SFTPB: variants seen among roughly 807,000 people sequenced by gnomAD.
SFTPB encodes pulmonary surfactant-associated protein B.
Under a neutral mutation model 51.0 loss-of-function variants are expected in SFTPB, and 32 were observed. That is an observed-to-expected ratio of 0.63 (90% confidence interval 0.47 to 0.84). The LOEUF is 0.84. Among genes scored for constraint, SFTPB ranks in the 40% least tolerant of loss-of-function variants. The probability of loss-of-function intolerance (pLI) is 0.00; values close to 1 mark genes in which losing one functional copy is unlikely to be tolerated. For synonymous variants in SFTPB, 211 were observed against 208.5 expected (o/e 1.01, Z -0.10); for missense variants, 431 against 491.2 (o/e 0.88, Z 1.16).
chr2:85,661,151 C>T (rs748863563), intron 10 of SFTPB: 102 of 327,746 alleles, frequency 3.1e-4, no homozygotes, highest in Non-Finnish European at 5.0e-4. Context: ...GCCAGAGAGT[C>T]CCTGGGGCAA....
intron 2 of SFTPB, 96 bp downstream of exon 2, chr2:85,667,583 C>T (rs1677715983): frequency 2.0e-6 from 3 of 1,499,782 alleles, no homozygotes; most frequent in Admixed American, 1.7e-5. Context: ...TCATCCATCC[C>T]CTATGGGGGC....
At chr2:85,662,139 G>A in intron 8 of SFTPB, 30 bp from the exon 9 acceptor site, 1 of 1,583,586 alleles carries the variant, frequency 6.3e-7, no homozygotes, top group Non-Finnish European at 8.6e-7. Flanking sequence ...GCTGTGGAGG[G>A]TCCCTTTGCA....
chr2:85,665,037 C>T (rs3024802), intron 6 of SFTPB, among the ~76,000 whole-genome samples: 1,586 of 152,268 alleles, frequency 0.01, 34 homozygotes, highest in African/African-American at 0.036. Context: ...TACTTTGGCT[C>T]CTGGCGTGGC....
Position 85,667,340 on chromosome 2 carries a change from C to T in SFTPB, c.196-163G>A, listed in dbSNP as rs1367996213. On this transcript the variant is annotated intron_variant, in intron 2 of 10. Coordinates refer to ENST00000519937, the MANE Select transcript of SFTPB (RefSeq NM_000542.5). ...TCTCATCCATATCAATTTATCCCAT[C>T]CATCTCTTCTATTCATCCATCCCAA... Among the ~76,000 whole-genome samples, 6 of 152,054 alleles carry T rather than the reference C, an allele frequency of 3.9e-5. No individual in the cohort carries two copies. The South Asian group carries it at 1.0e-3, about 26-fold the overall frequency.
intron 3 of SFTPB, 77 bp downstream of exon 3, chr2:85,667,029 T>C (rs1265858012): frequency 7.4e-7 from 1 of 1,347,710 alleles, no homozygotes; most frequent in Non-Finnish European, 1.1e-6. Context: ...ATGGCCCCTT[T>C]AGGGGGCTCA....
chr2:85,666,825 C>A, intron 3 of SFTPB, 83 bp from the exon 4 acceptor site: 1 of 1,568,468 alleles, frequency 6.4e-7, no homozygotes, highest in Non-Finnish European at 8.8e-7. Flanking sequence ...CCCACCAGGG[C>A]AGACTGACCC....
chr2:85,667,215 G>A, intron 2 of SFTPB, 38 bp from the exon 3 acceptor site: 1 of 1,484,136 alleles, frequency 6.7e-7, no homozygotes, highest in Non-Finnish European at 9.4e-7. Context: ...GGACACATGA[G>A]TGGGGGAGGC....
At position 85,657,889 on chromosome 2, in the gene SFTPB, CG is replaced by C. The variant is rs953683683; in HGVS notation, c.*1812del. 1 of 94,846 alleles carries C rather than the reference CG, an allele frequency of 1.1e-5. No individual in the cohort carries two copies. Among genetic ancestry groups the C allele is most frequent in the South Asian group, 3.6e-4 (1 of 2,784 alleles). 5.9% of individuals were successfully genotyped at this position (94,846 alleles called of 1,614,324 possible). On this transcript the variant is annotated 3_prime_UTR_variant, in exon 11 of 11. Coordinates refer to ENST00000519937, the MANE Select transcript of SFTPB (RefSeq NM_000542.5). ...ATTACAAAATACCTTCTTAAGGGTG[CG>C]GGGGTGCGGGCGTGGGGTGGGTGGG... is the stretch of plus-strand genomic sequence containing the variant.
rs774179232 is a variant in SFTPB, at chr2:85,667,738, C to A, written c.136G>T (p.Ala46Ser). 11 of 1,614,266 alleles carry A rather than the reference C, an allele frequency of 6.8e-6. No individual in the cohort carries two copies. The South Asian group carries it at 1.2e-4, about 18-fold the overall frequency. The change falls in exon 2 of 11, where the codon GCA becomes TCA. Residue 46 changes from alanine (A) to serine (S), a missense_variant. By Grantham distance (99) the Ala-to-Ser change is moderately conservative. Transcript: ENST00000519937. ...TGCCCTAGGGCTCTGCACTGCAATGCTTGCTCCAGGCTTTGGCACCAGAAC... is the reference window on the plus strand; with the variant it reads ...TGCCCTAGGGCTCTGCACTGCAATGATTGCTCCAGGCTTTGGCACCAGAAC... ...PEFWCQSLEQ[A>S]LQCRALGHCL...
intron 1 of SFTPB, 128 bp from the exon 2 acceptor site, chr2:85,667,934 G>T: frequency 7.1e-7 from 1 of 1,402,198 alleles, no homozygotes; most frequent in Admixed American, 2.0e-5. Flanking sequence ...ACGTCAGACA[G>T]CTCTGGGTTC....
rs752321943 is a variant in SFTPB, at chr2:85,665,768, C to T, written c.420G>A (p.Leu140=). ...CTGGCTGCCGGGATTTGCACAGGCC[C>T]AGGTGCATACAGATGCCGTTTGAGT... The part of the protein sequence containing the change: ...QTDSNGICMH[L]GLCKSRQPEP... Residue 140 remains leucine, a synonymous_variant, in exon 5 of 11, where the codon CTG becomes CTA. Transcript: ENST00000519937. 1 of 1,614,082 alleles carries T rather than the reference C, an allele frequency of 6.2e-7. No individual in the cohort carries two copies. Among genetic ancestry groups the T allele is most frequent in the East Asian group, 2.2e-5 (1 of 44,892 alleles).
Position 85,667,810 on chromosome 2 carries a change from T to C in SFTPB, c.68-4A>G, listed in dbSNP as rs746701002. 5 of 1,614,224 alleles carry C rather than the reference T, an allele frequency of 3.1e-6. No homozygotes were observed. Among genetic ancestry groups the C allele is most frequent in the Non-Finnish European group, 4.2e-6 (5 of 1,180,040 alleles). ...AAGGATGAGGTGGTCCAGGCAGCTG[T>C]GGTTTGGGGCCAGAGCAACCTTAAT... On this transcript the variant is annotated splice_region_variant and splice_polypyrimidine_tract_variant and intron_variant, in intron 1 of 10. Transcript: ENST00000519937.
chr2:85,666,411 C>A (rs1677618773), intron 4 of SFTPB: 1 of 488,082 alleles, frequency 2.0e-6, no homozygotes, highest in Admixed American at 2.9e-5. Context: ...GTGTGTCCGG[C>A]CAGCTGGGGT....
upstream of SFTPB, chr2:85,668,299 C>T: frequency 2.0e-6 from 2 of 992,360 alleles, no homozygotes; most frequent in South Asian, 1.4e-5. Context: ...TCTGAAGAGC[C>T]CTCCAGGTGC....
At position 85,663,854 on chromosome 2, in the gene SFTPB, C is replaced by CA; in HGVS notation, c.673-8_673-7insT. ...CTGCCACAGCTAGCGCACCCTGGGG[C>CA]GGGGGCGGAGAGAGGCCAGCATGGG... On this transcript the variant is annotated splice_region_variant and splice_polypyrimidine_tract_variant and intron_variant, in intron 6 of 10. Coordinates refer to ENST00000519937, the MANE Select transcript of SFTPB (RefSeq NM_000542.5). 6.3e-7 allele frequency: 1 copy of CA among 1,576,244 alleles called. No individual in the cohort carries two copies. The highest frequency in any genetic ancestry group is 2.3e-5 in the East Asian group (1 of 43,450).
At position 85,657,341 on chromosome 2, in the gene SFTPB, A is replaced by AT. The variant is rs1427075245; in HGVS notation, c.*2360dup. The AT allele has an allele frequency of 2.6e-5, 4 of 152,206 alleles. No homozygotes were observed. In the East Asian group the frequency reaches 7.7e-4, roughly 29 times the overall value. 9.4% of individuals were successfully genotyped at this position (152,206 alleles called of 1,614,324 possible). A position where few individuals can be genotyped will look rare whatever the true frequency, so the allele number is the denominator to read the frequency against. On this transcript the variant is annotated 3_prime_UTR_variant, in exon 11 of 11. Transcript: ENST00000519937. ...GTCTCAATCAAACTTTTTTGTTTTT[A>AT]TTTTTTTAAATTTAAAACACCCTTT...
In SFTPB at chr2:85,666,524, T is replaced by C. The variant is rs3024800; in HGVS notation, c.393+93A>G. ...GTGTGTGTGTGTGTGTGTGTGTGTC[T>C]GGCTGGCTGGGGTGCTGTGTGTGTG... On this transcript the variant is annotated intron_variant, in intron 4 of 10. Transcript: ENST00000519937. 1.8e-3 allele frequency: 2,359 copies of C among 1,286,318 alleles called. 46 individuals are homozygous for C. The African/African-American group carries it at 0.028, about 15-fold the overall frequency. The allele number at this position is 1,286,318 out of a possible 1,614,324, so 79.7% of individuals were successfully genotyped here. A position where few individuals can be genotyped will look rare whatever the true frequency, so the allele number is the denominator to read the frequency against.
rs777933863 is a variant in SFTPB, at chr2:85,667,179, T to TG, written c.196-3dup. On this transcript the variant is annotated splice_region_variant and splice_polypyrimidine_tract_variant and intron_variant, in intron 2 of 10. Transcript: ENST00000519937. ...CTCACACTCTTGGCATAGGTCATCC[T>TG]GGGGAGGGAGGGGCCCCAAGGTGGA... 1.9e-6 allele frequency: 3 copies of TG among 1,613,146 alleles called. No individual in the cohort carries two copies. In the African/African-American group the frequency reaches 4.0e-5, roughly 22 times the overall value.
At chr2:85,663,101 T>A (rs1298043511) in intron 8 of SFTPB, among the ~76,000 whole-genome samples, 1 of 152,138 alleles carries the variant, frequency 6.6e-6, no homozygotes, top group Non-Finnish European at 1.5e-5. Context: ...TGGTGCTCAC[T>A]CAGCCCGTGA....
Sources: allele counts gnomAD v4.1 joint callset (sites outside exome capture counted in the v4.1 genomes callset), GRCh38; gene constraint gnomAD v4.1.1; transcripts MANE v1.5; gene names NCBI Gene and HGNC (gene_info 2026-07-23, HGNC 2026-07-21).